Variants in FNDC3B observed in about 807,000 individuals in gnomAD.
The protein encoded by FNDC3B is fibronectin type III domain containing 3B, also known as fibronectin type III domain-containing protein 3B.
In FNDC3B, 12 loss-of-function variants were observed where a neutral mutation model predicts 151.5. The ratio of observed to expected loss-of-function variants is 0.08; its 90% CI spans 0.05 to 0.13. FNDC3B has a LOEUF of 0.13. Among genes scored for constraint, FNDC3B ranks in the 10% least tolerant of loss-of-function variants. The pLI, the probability that FNDC3B is intolerant of heterozygous loss-of-function variation, is 1.00. For synonymous variants in FNDC3B, 528 were observed against 549.0 expected (o/e 0.96, Z 0.54); for missense variants, 1,214 against 1,505.3 (o/e 0.81, Z 3.20).
At chr3:172,328,904 T>A (rs1732488824) in intron 11 of FNDC3B, 48 bp from the exon 12 acceptor site, 1 of 1,369,398 alleles carries the variant, frequency 7.3e-7, no homozygotes, top group South Asian at 1.4e-5. Flanking sequence ...GGTTATCTGT[T>A]GTTTTTTTTT....
At chr3:172,132,163 A>C (rs1181508134) in intron 2 of FNDC3B, among the ~76,000 whole-genome samples, 1 of 152,158 alleles carries the variant, frequency 6.6e-6, no homozygotes, top group African/African-American at 2.4e-5. Flanking sequence ...GAGAAGGATG[A>C]ATAGACGTTG....
chr3:172,377,085 A>G (rs1049054603), intron 23 of FNDC3B, among the ~76,000 whole-genome samples: 2 of 152,222 alleles, frequency 1.3e-5, no homozygotes, highest in Non-Finnish European at 2.9e-5. Context: ...GATGTTCAAG[A>G]AATGTTTGCT....
chr3:172,177,104 G>C (rs533558918), intron 3 of FNDC3B, among the ~76,000 whole-genome samples: 1 of 152,306 alleles, frequency 6.6e-6, no homozygotes, highest in African/African-American at 2.4e-5. Flanking sequence ...AGAAATTGAG[G>C]ATGGAGGGTT....
chr3:172,251,635 T>G, intron 6 of FNDC3B, 94 bp downstream of exon 6: 1 of 1,242,584 alleles, frequency 8.0e-7, no homozygotes, highest in Non-Finnish European at 1.1e-6. Flanking sequence ...TATTATTTCA[T>G]GGTGGTTGGT....
intron 6 of FNDC3B, among the ~76,000 whole-genome samples, chr3:172,281,899 A>G (rs1257172301): frequency 1.3e-5 from 2 of 152,076 alleles, no homozygotes; most frequent in Non-Finnish European, 2.9e-5. Flanking sequence ...TGTGCATGAG[A>G]GAGACAGGAG....
At chr3:172,262,916 A>AT (rs1728725846) in intron 6 of FNDC3B, among the ~76,000 whole-genome samples, 1 of 149,700 alleles carries the variant, frequency 6.7e-6, no homozygotes, top group African/African-American at 2.5e-5. Flanking sequence ...AAAAAAAAAA[A>AT]AAAAAAGCAC....
At chr3:172,369,724 A>G (rs529344521) in intron 23 of FNDC3B, among the ~76,000 whole-genome samples, 2 of 152,306 alleles carry the variant, frequency 1.3e-5, no homozygotes, top group Non-Finnish European at 2.9e-5. Flanking sequence ...GCCAACATCA[A>G]AATCAGTTTA....
chr3:172,285,903 C>CT (rs1354879248), intron 6 of FNDC3B, 23 bp from the exon 7 acceptor site: 3 of 1,604,574 alleles, frequency 1.9e-6, no homozygotes, highest in East Asian at 4.5e-5. Flanking sequence ...ATTGTTTTTC[C>CT]TTTTTTCTTT....
intron 3 of FNDC3B, among the ~76,000 whole-genome samples, chr3:172,206,595 G>A (rs560217265): frequency 7.2e-6 from 1 of 139,704 alleles, no homozygotes; most frequent in Admixed American, 8.2e-5. Context: ...GAAGGCGGAT[G>A]TTGCAAGGAG....
chr3:172,343,719 G>A (rs1576930717), intron 18 of FNDC3B, among the ~76,000 whole-genome samples: 2 of 152,102 alleles, frequency 1.3e-5, no homozygotes, highest in East Asian at 3.8e-4. Flanking sequence ...GTGCCAATTT[G>A]GGGTCCTGTA....
intron 21 of FNDC3B, among the ~76,000 whole-genome samples, chr3:172,351,296 G>C (rs1158302004): frequency 2.0e-5 from 3 of 152,208 alleles, no homozygotes; most frequent in African/African-American, 7.2e-5. Flanking sequence ...GAGCTGTGCA[G>C]ATGTCTGGAG....
chr3:172,343,674 T>C (rs1469134349), intron 18 of FNDC3B, among the ~76,000 whole-genome samples: 2 of 152,342 alleles, frequency 1.3e-5, no homozygotes, highest in East Asian at 1.9e-4. Flanking sequence ...GCAGACTATT[T>C]TTTCCTACCA....
intron 7 of FNDC3B, among the ~76,000 whole-genome samples, chr3:172,288,395 T>G (rs557391501): frequency 6.6e-6 from 1 of 152,336 alleles, no homozygotes; most frequent in Admixed American, 6.5e-5. Flanking sequence ...TTAACTGGAC[T>G]CTATCCTGTC....
At chr3:172,376,807 C>T (rs886673259) in intron 23 of FNDC3B, among the ~76,000 whole-genome samples, 12 of 143,044 alleles carry the variant, frequency 8.4e-5, no homozygotes, top group African/African-American at 3.2e-4. Flanking sequence ...TGAATACACA[C>T]GTGGATATTT....
chr3:172,341,851 C>T (rs767474351), intron 17 of FNDC3B, among the ~76,000 whole-genome samples: 5 of 152,148 alleles, frequency 3.3e-5, no homozygotes, highest in Non-Finnish European at 5.9e-5. Flanking sequence ...TAGTTTCAAC[C>T]ACATAGTACT....
intron 23 of FNDC3B, among the ~76,000 whole-genome samples, chr3:172,377,020 G>A (rs1330720767): frequency 2.0e-5 from 3 of 152,300 alleles, no homozygotes; most frequent in Middle Eastern, 6.8e-3. Context: ...ACCAGCTAAC[G>A]CACAGGGATT....
At chr3:172,050,082 GT>G (rs372907438) in intron 1 of FNDC3B, among the ~76,000 whole-genome samples, 5 of 147,600 alleles carry the variant, frequency 3.4e-5, no homozygotes, top group African/African-American at 5.0e-5. Context: ...TGCTCCCTCT[GT>G]TTTTTTTTTG....
intron 1 of FNDC3B, among the ~76,000 whole-genome samples, chr3:172,051,152 C>T (rs1383717112): frequency 6.7e-5 from 10 of 148,654 alleles, no homozygotes; most frequent in South Asian, 2.1e-4. Flanking sequence ...GGCGCGATCT[C>T]GGCTCACCGC....
chr3:172,212,402 G>A (rs2108714410), intron 3 of FNDC3B, among the ~76,000 whole-genome samples: 1 of 152,218 alleles, frequency 6.6e-6, no homozygotes, highest in African/African-American at 2.4e-5. Flanking sequence ...TTCTTTCCAA[G>A]TCATTCTTCT....
Sources: gnomAD v4.1 joint callset for allele counts (sites outside exome capture counted in the v4.1 genomes callset) on GRCh38, gnomAD v4.1.1 for gene constraint, MANE v1.5 for transcripts, NCBI Gene and HGNC (gene_info 2026-07-23, HGNC 2026-07-21) for gene names.